MYO1D: variants seen among roughly 807,000 people sequenced by gnomAD.
The protein encoded by MYO1D is myosin ID, also known as unconventional myosin-Id.
A neutral mutation model predicts 122.0 loss-of-function variants in MYO1D; 83 were observed. That is an observed-to-expected ratio of 0.68 (90% CI 0.57 to 0.82). MYO1D has a LOEUF of 0.82. Ranked by LOEUF, MYO1D falls within the 40% of genes least tolerant of loss-of-function variation. The pLI, the probability that MYO1D is intolerant of heterozygous loss-of-function variation, is 0.00. For missense variants in MYO1D, 1,157 were observed against 1,269.5 expected (o/e 0.91, Z 1.35); for synonymous variants, 464 against 446.9 (o/e 1.04, Z -0.48).
chr17:32,800,807 G>C (rs1392434300), intron 1 of MYO1D, among the ~76,000 whole-genome samples: 4 of 151,978 alleles, frequency 2.6e-5, no homozygotes, highest in African/African-American at 9.7e-5. Context: ...TCCTGGGCTT[G>C]AGCAATCCTC....
chr17:32,567,428 C>T, intron 21 of MYO1D, among the ~76,000 whole-genome samples: 1 of 152,234 alleles, frequency 6.6e-6, no homozygotes, highest in South Asian at 2.1e-4. Context: ...GGGGGTTTGG[C>T]TAGGTTAACA....
intron 16 of MYO1D, 96 bp downstream of exon 16, chr17:32,711,892 C>G: frequency 1.9e-6 from 2 of 1,057,322 alleles, no homozygotes; most frequent in Non-Finnish European, 2.7e-6. Context: ...AACAACATAT[C>G]TTCCAGGAAT....
At chr17:32,578,031 G>A (rs550720379) in intron 21 of MYO1D, among the ~76,000 whole-genome samples, 12 of 152,248 alleles carry the variant, frequency 7.9e-5, no homozygotes, top group East Asian at 1.9e-4. Context: ...GAGCCACCGC[G>A]CCCAGCCTCA....
At chr17:32,833,628 A>C (rs1370642774) in intron 1 of MYO1D, among the ~76,000 whole-genome samples, 4 of 152,132 alleles carry the variant, frequency 2.6e-5, no homozygotes, top group Non-Finnish European at 2.9e-5. Flanking sequence ...TCCTGGCCTT[A>C]CTGGCCTTCC....
intron 21 of MYO1D, among the ~76,000 whole-genome samples, chr17:32,509,101 T>A (rs1290450731): frequency 6.6e-6 from 1 of 152,148 alleles, no homozygotes; most frequent in Non-Finnish European, 1.5e-5. Flanking sequence ...TGTTAAGAAG[T>A]GAGGCAAGTG....
chr17:32,838,634 T>C (rs1362898656), intron 1 of MYO1D, among the ~76,000 whole-genome samples: 3 of 152,122 alleles, frequency 2.0e-5, no homozygotes, highest in Admixed American at 1.3e-4. Flanking sequence ...ATCTAAAAAA[T>C]GAGTTTGCAC....
At chr17:32,869,133 C>T (rs989888246) in intron 1 of MYO1D, among the ~76,000 whole-genome samples, 1 of 151,736 alleles carries the variant, frequency 6.6e-6, no homozygotes, top group African/African-American at 2.4e-5. Context: ...GCATGAGAAT[C>T]GCTTGAACCT....
intron 1 of MYO1D, among the ~76,000 whole-genome samples, chr17:32,808,073 G>A (rs1355090848): frequency 6.6e-6 from 1 of 152,068 alleles, no homozygotes; most frequent in Admixed American, 6.6e-5. Context: ...GCATTTCTGT[G>A]GGGGAAAATT....
intron 1 of MYO1D, among the ~76,000 whole-genome samples, chr17:32,828,750 T>G (rs1233479448): frequency 6.6e-6 from 1 of 152,218 alleles, no homozygotes; most frequent in Non-Finnish European, 1.5e-5. Context: ...CTATTTTGAA[T>G]GCCTGCTTCG....
intron 19 of MYO1D, 91 bp downstream of exon 19, chr17:32,653,752 T>C: frequency 9.5e-7 from 1 of 1,049,692 alleles, no homozygotes; most frequent in Non-Finnish European, 1.4e-6. Context: ...GTTATGTACC[T>C]ACTGTTATGT....
At chr17:32,627,978 C>T (rs931657149) in intron 20 of MYO1D, among the ~76,000 whole-genome samples, 4 of 152,136 alleles carry the variant, frequency 2.6e-5, no homozygotes, top group South Asian at 2.1e-4. Flanking sequence ...GCTTCAGCCA[C>T]GGGGAGCAAT....
At chr17:32,840,970 T>C (rs1208081788) in intron 1 of MYO1D, among the ~76,000 whole-genome samples, 1 of 152,338 alleles carries the variant, frequency 6.6e-6, no homozygotes, top group South Asian at 2.1e-4. Context: ...CAGAATGGTA[T>C]TCGATAAATT....
chr17:32,605,332 T>C, intron 20 of MYO1D, 91 bp from the exon 21 acceptor site: 1 of 1,245,544 alleles, frequency 8.0e-7, no homozygotes, highest in Non-Finnish European at 1.1e-6. Context: ...TGGTGGCATG[T>C]GCCTGTAGTC....
intron 1 of MYO1D, among the ~76,000 whole-genome samples, chr17:32,785,520 A>G (rs796190633): frequency 3.9e-5 from 6 of 152,240 alleles, no homozygotes; most frequent in African/African-American, 1.4e-4. Flanking sequence ...CCATCTACCC[A>G]TGCCATTTTT....
chr17:32,636,917 G>A (rs569587259), intron 20 of MYO1D, among the ~76,000 whole-genome samples: 3 of 152,308 alleles, frequency 2.0e-5, no homozygotes, highest in East Asian at 3.9e-4. Context: ...AATACGAGAC[G>A]GTATGGGCAG....
chr17:32,732,206 G>A (rs1380836343), intron 14 of MYO1D, among the ~76,000 whole-genome samples: 3 of 152,228 alleles, frequency 2.0e-5, no homozygotes, highest in East Asian at 3.8e-4. Context: ...TGTGGGTGCT[G>A]TGGATGGCAG....
intron 11 of MYO1D, among the ~76,000 whole-genome samples, chr17:32,750,723 T>C (rs958207367): frequency 7.9e-5 from 12 of 152,230 alleles, no homozygotes; most frequent in Non-Finnish European, 1.2e-4. Flanking sequence ...TGTATTCTAT[T>C]AATTTGACAA....
chr17:32,742,666 A>G (rs943510092), intron 13 of MYO1D, among the ~76,000 whole-genome samples: 4 of 152,212 alleles, frequency 2.6e-5, no homozygotes, highest in Admixed American at 1.3e-4. Flanking sequence ...CTGATAAATT[A>G]AGCATTGAAA....
chr17:32,680,168 G>A (rs200337559), intron 16 of MYO1D, among the ~76,000 whole-genome samples: 9,213 of 22,180 alleles, frequency 0.42, 2,067 homozygotes, highest in Middle Eastern at 0.63. Flanking sequence ...GGGCTGAGAC[G>A]ATGGGGTTTT....
Sources: gnomAD v4.1 joint callset for allele counts (sites outside exome capture counted in the v4.1 genomes callset) on GRCh38, gnomAD v4.1.1 for gene constraint, MANE v1.5 for transcripts, NCBI Gene and HGNC (gene_info 2026-07-23, HGNC 2026-07-21) for gene names.